The following FMN2 variants were observed in gnomAD, a reference collection of about 807,000 sequenced individuals.
FMN2 encodes formin-2.
A neutral mutation model predicts 142.3 loss-of-function variants in FMN2; 51 were observed. That is an observed-to-expected ratio of 0.36 (90% CI 0.29 to 0.45). FMN2 has a LOEUF of 0.45. Ranked by LOEUF, FMN2 falls within the 20% of genes least tolerant of loss-of-function variation. FMN2 has a pLI of 1.00. For missense variants in FMN2, 1,936 were observed against 2,122.8 expected (o/e 0.91, Z 1.73); for synonymous variants, 882 against 869.8 (o/e 1.01, Z -0.25).
At chr1:240,385,608 G>T (rs1356121010) in intron 14 of FMN2, among the ~76,000 whole-genome samples, 1 of 152,146 alleles carries the variant, frequency 6.6e-6, no homozygotes, top group Non-Finnish European at 1.5e-5. Flanking sequence ...CTACTGTACT[G>T]TCTAGCTCGT....
intron 7 of FMN2, 146 bp downstream of exon 7, chr1:240,258,178 C>T (rs1348741482): frequency 1.6e-6 from 1 of 609,910 alleles, no homozygotes; most frequent in Admixed American, 3.3e-5. Context: ...AAGCTATCTC[C>T]CATGATTGTT....
intron 13 of FMN2, among the ~76,000 whole-genome samples, chr1:240,339,043 A>G (rs976379693): frequency 2.0e-5 from 3 of 152,044 alleles, no homozygotes; most frequent in African/African-American, 7.2e-5. Flanking sequence ...AGCTGATCTG[A>G]CAGGAGGCGG....
chr1:240,168,842 C>T (rs2103306203), intron 2 of FMN2, among the ~76,000 whole-genome samples: 1 of 152,176 alleles, frequency 6.6e-6, no homozygotes, highest in South Asian at 2.1e-4. Flanking sequence ...ATGTGAATTT[C>T]ACTGTTTTTT....
In FMN2 at chr1:240,097,409, G is replaced by A. The variant is rs188009211; in HGVS notation, c.1615+3685G>A. On this transcript the variant is annotated intron_variant, in intron 1 of 17. Transcript: ENST00000319653. ...CTCGCTCTGTTGCCCAGGCTGGAGTGCAGTGGCACGACTTCTGCTCACTGC... is the reference window on the plus strand; with the variant it reads ...CTCGCTCTGTTGCCCAGGCTGGAGTACAGTGGCACGACTTCTGCTCACTGC... Among the ~76,000 whole-genome samples the A allele has an allele frequency of 4.2e-3, 631 of 150,044 alleles. 8 individuals are homozygous for A. Among genetic ancestry groups the A allele is most frequent in the Non-Finnish European group, 3.7e-3 (253 of 67,742 alleles).
intron 1 of FMN2, among the ~76,000 whole-genome samples, chr1:240,116,359 C>T (rs142424924): frequency 3.3e-5 from 5 of 151,920 alleles, no homozygotes; most frequent in South Asian, 2.1e-4. Context: ...AGAGACTGGG[C>T]GAGATTATGG....
chr1:240,401,053 G>T (rs1001402121), intron 15 of FMN2: 1 of 151,714 alleles, frequency 6.6e-6, no homozygotes, highest in South Asian at 2.1e-4. Flanking sequence ...TGAACCCGGG[G>T]GTCAGAGGTT....
intron 14 of FMN2, among the ~76,000 whole-genome samples, chr1:240,365,588 TCTC>T (rs1169436138): frequency 3.3e-5 from 5 of 152,182 alleles, no homozygotes; most frequent in African/African-American, 9.6e-5. Context: ...GACAGCCAAT[TCTC>T]CTCATTTTCT....
At chr1:240,391,553 A>G (rs542483668) in intron 14 of FMN2, among the ~76,000 whole-genome samples, 14 of 152,284 alleles carry the variant, frequency 9.2e-5, no homozygotes, top group African/African-American at 3.4e-4. Flanking sequence ...AACTAGTCCC[A>G]GGATTTATTT....
intron 2 of FMN2, among the ~76,000 whole-genome samples, chr1:240,148,373 G>C (rs557412102): frequency 3.2e-4 from 47 of 144,652 alleles, no homozygotes; most frequent in South Asian, 8.6e-4. Flanking sequence ...GAGACAGAGA[G>C]AGAGAGAGAA....
chr1:240,228,077 G>A (rs1482315264), intron 6 of FMN2, among the ~76,000 whole-genome samples: 1 of 151,902 alleles, frequency 6.6e-6, no homozygotes, highest in African/African-American at 2.4e-5. Flanking sequence ...GCCGAGGCGG[G>A]TGGATCACCT....
chr1:240,307,626 GT>G (rs1426404314), intron 8 of FMN2, among the ~76,000 whole-genome samples: 2 of 152,308 alleles, frequency 1.3e-5, no homozygotes, highest in East Asian at 3.9e-4. Context: ...GTACCATGCT[GT>G]TTTGGTAACT....
In FMN2 at chr1:240,206,926, C is replaced by T; in HGVS notation, c.2114C>T (p.Ala705Val). 6.2e-7 allele frequency: 1 copy of T among 1,614,142 alleles called. No individual in the cohort carries two copies. Among genetic ancestry groups the T allele is most frequent in the Non-Finnish European group, 8.5e-7 (1 of 1,180,018 alleles). ...TATCCTGCCCTGGACACAGAGGTGG[C>T]CAGTGGTCATCAAGGGCTTGAGAAT... ...RQYPALDTEV[A>V]SGHQGLENGV... Residue 705 changes from alanine (A) to valine (V), a missense_variant, in exon 5 of 18, where the codon GCC becomes GTC. Transcript: ENST00000319653.
chr1:240,219,064 A>G (rs1430516576), intron 6 of FMN2, among the ~76,000 whole-genome samples: 1 of 152,174 alleles, frequency 6.6e-6, no homozygotes, highest in East Asian at 1.9e-4. Flanking sequence ...TGAGAATAGC[A>G]CCACAAGCAA....
At chr1:240,297,155 A>G (rs1670014812) in intron 8 of FMN2, among the ~76,000 whole-genome samples, 1 of 152,082 alleles carries the variant, frequency 6.6e-6, no homozygotes, top group Admixed American at 6.6e-5. Flanking sequence ...ACATATATAC[A>G]TTTGGTGTAT....
rs373053781 is a variant in FMN2, at chr1:240,290,695, ACT to A, written c.4154-4122_4154-4121del. ...AAAGCCTGAAAGATTACTATGTTCTACTCTCTATCTAGACATTGGCATTTGAT... is the reference window on the plus strand; with the variant it reads ...AAAGCCTGAAAGATTACTATGTTCTACTCTATCTAGACATTGGCATTTGAT... On this transcript the variant is annotated intron_variant, in intron 7 of 17. Transcript: ENST00000319653. 1.0e-3 allele frequency among the ~76,000 whole-genome samples: 154 copies of A among 149,274 alleles called. 1 individual carries two copies. The highest frequency in any genetic ancestry group is 2.7e-3 in the South Asian group (13 of 4,762).
intron 2 of FMN2, chr1:240,143,573 C>G (rs1571977550): frequency 6.2e-7 from 1 of 1,606,432 alleles, no homozygotes. Context: ...AGCACATTCC[C>G]AGAGCCTGCC....
At chr1:240,459,753 A>T (rs1174026459) in intron 16 of FMN2, among the ~76,000 whole-genome samples, 2 of 132,774 alleles carry the variant, frequency 1.5e-5, no homozygotes, top group East Asian at 4.3e-4. Flanking sequence ...AAAAAAAAAA[A>T]AAGATTGTAG....
At chr1:240,383,781 C>T (rs565001520) in intron 14 of FMN2, among the ~76,000 whole-genome samples, 19 of 151,964 alleles carry the variant, frequency 1.3e-4, no homozygotes, top group Non-Finnish European at 4.4e-5. Context: ...GTAGGAAAGA[C>T]ACCTGCATTC....
intron 2 of FMN2, among the ~76,000 whole-genome samples, chr1:240,151,674 C>G (rs1363142425): frequency 6.6e-6 from 1 of 152,046 alleles, no homozygotes; most frequent in Non-Finnish European, 1.5e-5. Context: ...GACTTGCTGT[C>G]TAATTTTAAG....
Sources: gnomAD v4.1 joint callset for allele counts (sites outside exome capture counted in the v4.1 genomes callset) on GRCh38, gnomAD v4.1.1 for gene constraint, MANE v1.5 for transcripts, NCBI Gene and HGNC (gene_info 2026-07-23, HGNC 2026-07-21) for gene names.